Variants in DNAJC7 observed in about 807,000 individuals in gnomAD.
DNAJC7 encodes the protein dnaJ homolog subfamily C member 7.
A neutral mutation model predicts 67.4 loss-of-function variants in DNAJC7; 18 were observed. That is an observed-to-expected ratio of 0.27 (90% CI 0.18 to 0.40). The LOEUF (loss-of-function observed/expected upper bound fraction) is 0.40. DNAJC7 is among the 10% of genes least tolerant of loss of function. The pLI, the probability that DNAJC7 is intolerant of heterozygous loss-of-function variation, is 1.00. For missense variants in DNAJC7, 419 were observed against 613.8 expected (o/e 0.68, Z 3.35); for synonymous variants, 220 against 207.8 (o/e 1.06, Z -0.50).
chr17:42,017,001 GT>G (rs1195310168), intron 1 of DNAJC7: 1 of 1,285,756 alleles, frequency 7.8e-7, no homozygotes, highest in Non-Finnish European at 9.9e-7. Context: ...CGGGGGCGAT[GT>G]AAGGAAGTCG....
At chr17:41,979,057 G>A (rs782286559) in intron 12 of DNAJC7, among the ~76,000 whole-genome samples, 17 of 152,158 alleles carry the variant, frequency 1.1e-4, no homozygotes, top group East Asian at 1.9e-4. Flanking sequence ...TTTAAATTCC[G>A]GCTGGGTGCG....
intron 10 of DNAJC7, 81 bp downstream of exon 10, chr17:41,983,482 T>TG: frequency 7.8e-7 from 1 of 1,279,412 alleles, no homozygotes; most frequent in Non-Finnish European, 1.1e-6. Flanking sequence ...CCCTGATCCC[T>TG]GAATCAAACT....
rs1555647595 is a variant in DNAJC7 at position 41,990,356 on chromosome 17, T to C, written c.507A>G (p.Leu169=). Reference sequence around the variant, plus strand: ...AGCGATGGCAGGCAGGGGCAAATTCTAGGGCACGGTCCATGCAGAAAACAA... The same window carrying C: ...AGCGATGGCAGGCAGGGGCAAATTCCAGGGCACGGTCCATGCAGAAAACAA... The part of the protein sequence containing the change: ...RKVVFCMDRA[L]EFAPACHRFK... The change falls in exon 6 of 14, where the codon CTA becomes CTG. Residue 169 remains leucine, a synonymous_variant. Transcript: ENST00000457167. The C allele has an allele frequency of 3.1e-6, 5 of 1,610,426 alleles. No individual in the cohort carries two copies. Among genetic ancestry groups the C allele is most frequent in the Non-Finnish European group, 3.4e-6 (4 of 1,178,406 alleles).
At chr17:41,992,396 A>T (rs1286846775) in intron 5 of DNAJC7, among the ~76,000 whole-genome samples, 1 of 151,636 alleles carries the variant, frequency 6.6e-6, no homozygotes, top group African/African-American at 2.4e-5. Flanking sequence ...CTGGTCTCTA[A>T]CTCCCGACCT....
intron 13 of DNAJC7, 168 bp downstream of exon 13, chr17:41,977,093 C>G: frequency 1.3e-6 from 1 of 746,550 alleles, no homozygotes; most frequent in Admixed American, 2.9e-5. Flanking sequence ...TGCCTGGGAA[C>G]CTTCCTGTCT....
In DNAJC7 at chr17:41,977,245, C is replaced by G; in HGVS notation, c.1447+16G>C. 6.4e-7 allele frequency: 1 copy of G among 1,574,618 alleles called. No individual in the cohort carries two copies. The highest frequency in any genetic ancestry group is 8.6e-7 in the Non-Finnish European group (1 of 1,160,360). ...CTTGTGATCTGGGAACTCCCAAGAACAGCAGGCCCACCTACCTTCAAAGCT... is the reference window on the plus strand; with the variant it reads ...CTTGTGATCTGGGAACTCCCAAGAAGAGCAGGCCCACCTACCTTCAAAGCT... On this transcript the variant is annotated intron_variant, in intron 13 of 13. Coordinates refer to ENST00000457167, the MANE Select transcript of DNAJC7 (RefSeq NM_003315.4).
intron 2 of DNAJC7, among the ~76,000 whole-genome samples, chr17:41,999,214 C>G (rs1348378092): frequency 6.6e-6 from 1 of 151,830 alleles, no homozygotes; most frequent in African/African-American, 2.4e-5. Flanking sequence ...TCCCGAGTAG[C>G]TGGGATTACA....
intron 2 of DNAJC7, 115 bp from the exon 3 acceptor site, chr17:41,997,354 C>A: frequency 7.4e-7 from 1 of 1,354,306 alleles, no homozygotes; most frequent in Non-Finnish European, 9.9e-7. Flanking sequence ...TTTGGGAGGC[C>A]AAGAGGGGAG....
chr17:41,999,850 G>C (rs1567965381), intron 2 of DNAJC7, among the ~76,000 whole-genome samples: 1 of 149,240 alleles, frequency 6.7e-6, no homozygotes, highest in African/African-American at 2.5e-5. Flanking sequence ...ATGAAGTCTT[G>C]CTTTGTTGCC....
intron 8 of DNAJC7, 56 bp downstream of exon 8, chr17:41,988,675 CT>C: frequency 6.6e-7 from 1 of 1,521,826 alleles, no homozygotes; most frequent in South Asian, 1.3e-5. Flanking sequence ...TCCCAAGACC[CT>C]TTGATGTCCC....
intron 5 of DNAJC7, among the ~76,000 whole-genome samples, chr17:41,994,653 C>T (rs1410148490): frequency 6.6e-6 from 1 of 151,888 alleles, no homozygotes; most frequent in Non-Finnish European, 1.5e-5. Context: ...AAGTGGCACA[C>T]TCATTTTACC....
At chr17:42,014,579 TTTC>T (rs1298392978) in intron 1 of DNAJC7, 2 of 151,992 alleles carry the variant, frequency 1.3e-5, no homozygotes, top group African/African-American at 2.4e-5. Flanking sequence ...AATGCATTTT[TTTC>T]TTTTTTTAAT....
At chr17:41,988,022 A>G in intron 8 of DNAJC7, 112 bp from the exon 9 acceptor site, 1 of 831,436 alleles carries the variant, frequency 1.2e-6, no homozygotes, top group Non-Finnish European at 1.9e-6. Flanking sequence ...GGCCCCTTAA[A>G]TGTCATATTA....
At chr17:41,982,214 C>T (rs781808075) in intron 11 of DNAJC7, 41 bp downstream of exon 11, 11 of 1,611,146 alleles carry the variant, frequency 6.8e-6, no homozygotes, top group South Asian at 2.2e-5. Flanking sequence ...GCCTGCCCTG[C>T]GGGTTCTTCC....
At chr17:41,977,067 G>A in intron 13 of DNAJC7, 194 bp downstream of exon 13, 1 of 675,106 alleles carries the variant, frequency 1.5e-6, no homozygotes, top group Non-Finnish European at 2.5e-6. Context: ...GTGGCTAAAG[G>A]TCCCAAGGCA....
chr17:42,013,234 A>G (rs1178995531), intron 1 of DNAJC7: 1 of 152,242 alleles, frequency 6.6e-6, no homozygotes, highest in Non-Finnish European at 1.5e-5. Flanking sequence ...CACTAAGCCT[A>G]GCCTTATTTT....
chr17:41,980,261 G>C (rs2051214757), intron 12 of DNAJC7, among the ~76,000 whole-genome samples: 1 of 152,024 alleles, frequency 6.6e-6, no homozygotes, highest in African/African-American at 2.4e-5. Context: ...TGTTGGGCAG[G>C]ATGGTCTCAA....
intron 9 of DNAJC7, among the ~76,000 whole-genome samples, chr17:41,984,121 C>T (rs1555646419): frequency 6.6e-6 from 1 of 152,122 alleles, no homozygotes; most frequent in Admixed American, 6.5e-5. Flanking sequence ...GGATCAAGTT[C>T]AACGTGGCAG....
At chr17:41,993,075 C>G (rs1335238957) in intron 5 of DNAJC7, among the ~76,000 whole-genome samples, 2 of 152,136 alleles carry the variant, frequency 1.3e-5, no homozygotes, top group African/African-American at 2.4e-5. Context: ...AAGTTACTGC[C>G]GGGACTCTGC....
Sources: allele counts gnomAD v4.1 joint callset (sites outside exome capture counted in the v4.1 genomes callset), GRCh38; gene constraint gnomAD v4.1.1; transcripts MANE v1.5; gene names NCBI Gene and HGNC (gene_info 2026-07-23, HGNC 2026-07-21).